Variants in CDYL observed in about 807,000 individuals in gnomAD.
The protein encoded by CDYL is chromodomain Y-like protein.
In CDYL, 8 loss-of-function variants were observed where a neutral mutation model predicts 47.3. That is an observed-to-expected ratio of 0.17 (90% CI 0.10 to 0.31). CDYL has a LOEUF of 0.31. CDYL is among the 10% of genes least tolerant of loss of function. The probability of loss-of-function intolerance (pLI) is 1.00; values close to 1 mark genes in which losing one functional copy is unlikely to be tolerated. For synonymous variants in CDYL, 266 were observed against 265.0 expected, an observed-to-expected ratio of 1.00 and a Z score of -0.04; for missense variants, 471 against 701.4, an observed-to-expected ratio of 0.67 and a Z score of 3.71.
At chr6:4,866,055 G>A (rs1455075734) in intron 1 of CDYL, among the ~76,000 whole-genome samples, 5 of 152,166 alleles carry the variant, frequency 3.3e-5, no homozygotes, top group African/African-American at 1.2e-4. Context: ...ATCATACTGT[G>A]TTATCTGATC....
At chr6:4,752,697 A>C (rs1758014045) in intron 3 of CDYL, among the ~76,000 whole-genome samples, 1 of 152,168 alleles carries the variant, frequency 6.6e-6, no homozygotes, top group South Asian at 2.1e-4. Context: ...GATATTTTAA[A>C]GCCCACCCCT....
chr6:4,865,932 G>A (rs1219488240), intron 1 of CDYL, among the ~76,000 whole-genome samples: 1 of 152,104 alleles, frequency 6.6e-6, no homozygotes, highest in East Asian at 1.9e-4. Context: ...GTTTTAAGTG[G>A]ACATAAAGAA....
chr6:4,793,991 C>A (rs1759001196), intron 1 of CDYL, among the ~76,000 whole-genome samples: 1 of 152,008 alleles, frequency 6.6e-6, no homozygotes, highest in Non-Finnish European at 1.5e-5. Flanking sequence ...CCCTTTTAGA[C>A]ATCTAGTGGG....
At chr6:4,901,067 G>A (rs775826571) in intron 2 of CDYL, among the ~76,000 whole-genome samples, 15 of 151,116 alleles carry the variant, frequency 9.9e-5, no homozygotes, top group African/African-American at 1.5e-4. Context: ...TCCAATTAAT[G>A]TGCATTAATT....
At chr6:4,766,158 G>T (rs1310997430) in intron 3 of CDYL, among the ~76,000 whole-genome samples, 1 of 152,072 alleles carries the variant, frequency 6.6e-6, no homozygotes, top group African/African-American at 2.4e-5. Flanking sequence ...TAGATGAAAT[G>T]GACAAATTGA....
At chr6:4,779,181 G>A (rs934540414) in intron 1 of CDYL, among the ~76,000 whole-genome samples, 2 of 152,198 alleles carry the variant, frequency 1.3e-5, no homozygotes, top group African/African-American at 2.4e-5. Context: ...AAATGAACGC[G>A]ATAGTCTGAC....
intron 1 of CDYL, chr6:4,715,698 C>T: frequency 1.9e-6 from 3 of 1,565,710 alleles, no homozygotes; most frequent in Middle Eastern, 3.4e-4. Context: ...GGTTTTTTCC[C>T]ATGTACTGTA....
intron 3 of CDYL, among the ~76,000 whole-genome samples, chr6:4,754,965 A>G (rs1758052612): frequency 6.6e-6 from 1 of 151,852 alleles, no homozygotes; most frequent in Admixed American, 6.6e-5. Context: ...CCTTTCTTGA[A>G]TTCTGGAATA....
intron 1 of CDYL, among the ~76,000 whole-genome samples, chr6:4,830,309 T>A (rs970034462): frequency 4.6e-5 from 7 of 152,250 alleles, no homozygotes; most frequent in African/African-American, 1.7e-4. Flanking sequence ...CTAGAAGTCA[T>A]CTGGTGGACC....
rs141654161 is a variant in CDYL, at chr6:4,930,138, C to T, written c.692-5377C>T. On this transcript the variant is annotated intron_variant, in intron 2 of 6. Transcript: ENST00000397588. ...GAATGCCTCATGTATTTGATGAAAT[C>T]TCTGCTCTGGCTGATTAGGACTTCC... Among the ~76,000 whole-genome samples, 259 of 152,268 alleles carry T rather than the reference C, an allele frequency of 1.7e-3. 1 individual carries two copies. The highest frequency in any genetic ancestry group is 1.9e-3 in the Non-Finnish European group (130 of 68,022).
intron 5 of CDYL, 79 bp from the exon 6 acceptor site, chr6:4,952,187 G>T (rs1022507291): frequency 6.7e-7 from 1 of 1,495,304 alleles, no homozygotes; most frequent in Non-Finnish European, 9.1e-7. Context: ...GTTTCCCTTC[G>T]GTGTGGATTT....
intron 2 of CDYL, among the ~76,000 whole-genome samples, chr6:4,904,016 A>G (rs1757150165): frequency 6.6e-6 from 1 of 152,168 alleles, no homozygotes; most frequent in African/African-American, 2.4e-5. Flanking sequence ...GGCAGAATGG[A>G]TATTCAAGAA....
chr6:4,746,981 C>T (rs79569689), intron 3 of CDYL, among the ~76,000 whole-genome samples: 54 of 152,218 alleles, frequency 3.5e-4, no homozygotes, highest in African/African-American at 7.9e-4. Context: ...AGGGTCTTTC[C>T]TAGCTACTCT....
At chr6:4,859,272 C>T (rs573312185) in intron 1 of CDYL, among the ~76,000 whole-genome samples, 115 of 152,130 alleles carry the variant, frequency 7.6e-4, no homozygotes, top group Non-Finnish European at 1.5e-3. Flanking sequence ...CTAGTGTGAG[C>T]TCAAGTCTGT....
At chr6:4,801,096 G>C (rs758896199) in intron 1 of CDYL, among the ~76,000 whole-genome samples, 3 of 152,094 alleles carry the variant, frequency 2.0e-5, no homozygotes, top group Non-Finnish European at 4.4e-5. Flanking sequence ...ATGTTCTTCA[G>C]ATTATTCTGT....
chr6:4,879,840 A>G (rs1027870998), intron 1 of CDYL, among the ~76,000 whole-genome samples: 10 of 152,180 alleles, frequency 6.6e-5, no homozygotes, highest in Admixed American at 4.6e-4. Context: ...GATTACAGGC[A>G]TGAGCCACTG....
chr6:4,721,815 C>T (rs895601270), intron 2 of CDYL, among the ~76,000 whole-genome samples: 1 of 151,968 alleles, frequency 6.6e-6, no homozygotes, highest in Non-Finnish European at 1.5e-5. Flanking sequence ...CAGGAATTTA[C>T]CTGAATAGTT....
chr6:4,816,387 T>A (rs1301778856), intron 1 of CDYL, among the ~76,000 whole-genome samples: 1 of 151,996 alleles, frequency 6.6e-6, no homozygotes, highest in Non-Finnish European at 1.5e-5. Context: ...CCCAAGAAAC[T>A]ACTACTACGA....
chr6:4,901,255 A>G (rs1207909635), intron 2 of CDYL, among the ~76,000 whole-genome samples: 1 of 152,220 alleles, frequency 6.6e-6, no homozygotes, highest in East Asian at 1.9e-4. Context: ...AGGGGGGGAA[A>G]TCACATTTTC....
Sources: allele counts gnomAD v4.1 joint callset (sites outside exome capture counted in the v4.1 genomes callset), GRCh38; gene constraint gnomAD v4.1.1; transcripts MANE v1.5; gene names NCBI Gene and HGNC (gene_info 2026-07-23, HGNC 2026-07-21).